The following MND1 variants were observed in gnomAD, a reference collection of about 807,000 sequenced individuals.
MND1 encodes the protein meiotic nuclear division protein 1 homolog.
In MND1, 28 loss-of-function variants were observed where a neutral mutation model predicts 35.1. The observed-to-expected ratio is 0.80, with a 90% CI of 0.59 to 1.09. The LOEUF is 1.09. Ranked by LOEUF, MND1 falls within the 50% of genes least tolerant of loss-of-function variation. MND1 has a pLI of 0.00. For missense variants in MND1, 213 were observed against 239.6 expected, an observed-to-expected ratio of 0.89 and a Z score of 0.73; for synonymous variants, 69 against 70.5, an observed-to-expected ratio of 0.98 and a Z score of 0.11.
intron 4 of MND1, among the ~76,000 whole-genome samples, chr4:153,393,000 G>A (rs975267323): frequency 1.3e-5 from 2 of 152,128 alleles, no homozygotes; most frequent in Non-Finnish European, 2.9e-5. Flanking sequence ...CACACCTGCA[G>A]TCCCAGCTAC....
intron 6 of MND1, among the ~76,000 whole-genome samples, chr4:153,407,965 A>G (rs1171296491): frequency 6.6e-6 from 1 of 152,156 alleles, no homozygotes; most frequent in East Asian, 1.9e-4. Flanking sequence ...TGGTTGTACA[A>G]TTTTGTGACT....
At chr4:153,388,356 A>G (rs1042045765) in intron 4 of MND1, among the ~76,000 whole-genome samples, 17 of 152,180 alleles carry the variant, frequency 1.1e-4, no homozygotes, top group South Asian at 4.2e-4. Flanking sequence ...GCATAGTGGT[A>G]CATGCCTGTA....
intron 4 of MND1, among the ~76,000 whole-genome samples, chr4:153,380,181 G>A (rs1452708353): frequency 6.6e-6 from 1 of 152,118 alleles, no homozygotes; most frequent in Non-Finnish European, 1.5e-5. Context: ...TAACAGAAAA[G>A]TAGATCAAAG....
At chr4:153,392,889 G>A (rs907298087) in intron 4 of MND1, among the ~76,000 whole-genome samples, 1 of 152,148 alleles carries the variant, frequency 6.6e-6, no homozygotes, top group South Asian at 2.1e-4. Context: ...GGAGGCTGAG[G>A]TCGGAAGATT....
chr4:153,390,923 GTGTGTGTGTGTGTGTGTGTA>G (rs1729011995), intron 4 of MND1, among the ~76,000 whole-genome samples: 1 of 130,896 alleles, frequency 7.6e-6, no homozygotes, highest in African/African-American at 3.4e-5. Context: ...GTGTATATGT[GTGTGTGTGTGTGTGTGTGTA>G]TATAAAATGT....
intron 4 of MND1, among the ~76,000 whole-genome samples, chr4:153,369,920 T>C (rs1773749190): frequency 6.6e-6 from 1 of 152,084 alleles, no homozygotes; most frequent in African/African-American, 2.4e-5. Context: ...ATTTCAACAA[T>C]GTTCACAGCG....
intron 4 of MND1, among the ~76,000 whole-genome samples, chr4:153,364,912 GA>G (rs1384416818): frequency 6.6e-6 from 1 of 152,134 alleles, no homozygotes; most frequent in Non-Finnish European, 1.5e-5. Flanking sequence ...GATGAACCTT[GA>G]GGGCAATATG....
At chr4:153,345,685 G>T (rs1410622517) in intron 1 of MND1, among the ~76,000 whole-genome samples, 1 of 152,224 alleles carries the variant, frequency 6.6e-6, no homozygotes, top group Non-Finnish European at 1.5e-5. Context: ...CCGAGCTAAG[G>T]GGGGCAGGGT....
At chr4:153,355,366 T>C (rs1454936543) in intron 2 of MND1, among the ~76,000 whole-genome samples, 1 of 152,122 alleles carries the variant, frequency 6.6e-6, no homozygotes, top group East Asian at 1.9e-4. Context: ...AAATATGTAG[T>C]AGAACACGAT....
At chr4:153,345,480 T>G (rs1354960170) in intron 1 of MND1, 2 of 985,340 alleles carry the variant, frequency 2.0e-6, no homozygotes, top group Non-Finnish European at 2.4e-6. Context: ...TTAGGCTTCC[T>G]CGTGGGTCAT....
intron 7 of MND1, among the ~76,000 whole-genome samples, chr4:153,409,715 T>C (rs1484372136): frequency 6.6e-6 from 1 of 152,190 alleles, no homozygotes; most frequent in Non-Finnish European, 1.5e-5. Context: ...TTTCCTACTC[T>C]ATTTTAGAAT....
At chr4:153,370,990 A>G (rs1773776324) in intron 4 of MND1, among the ~76,000 whole-genome samples, 1 of 152,096 alleles carries the variant, frequency 6.6e-6, no homozygotes, top group Non-Finnish European at 1.5e-5. Context: ...AGGCTGCAGA[A>G]TGGATATTGT....
chr4:153,411,663 T>A (rs1284622097), intron 7 of MND1, among the ~76,000 whole-genome samples: 2 of 152,178 alleles, frequency 1.3e-5, no homozygotes, highest in African/African-American at 4.8e-5. Context: ...TGTTCAATAG[T>A]CTTACCCTGG....
intron 2 of MND1, among the ~76,000 whole-genome samples, chr4:153,350,423 C>T (rs1167850650): frequency 6.6e-6 from 1 of 152,156 alleles, no homozygotes; most frequent in Non-Finnish European, 1.5e-5. Flanking sequence ...ATGATGAAAG[C>T]CCACATCTCC....
intron 5 of MND1, among the ~76,000 whole-genome samples, chr4:153,395,340 G>A (rs145799508): frequency 6.6e-6 from 1 of 152,246 alleles, no homozygotes; most frequent in East Asian, 1.9e-4. Flanking sequence ...GGTGACATAT[G>A]CTTGCCCAGA....
At chr4:153,381,361 A>G (rs1269838501) in intron 4 of MND1, among the ~76,000 whole-genome samples, 1 of 151,692 alleles carries the variant, frequency 6.6e-6, no homozygotes, top group Non-Finnish European at 1.5e-5. Context: ...TCCCATTCCC[A>G]AACACCCCTC....
At chr4:153,398,057 C>T (rs1174050858) in intron 6 of MND1, among the ~76,000 whole-genome samples, 1 of 152,208 alleles carries the variant, frequency 6.6e-6, no homozygotes, top group East Asian at 1.9e-4. Flanking sequence ...TTGCAAGTTG[C>T]AGAAAATCAG....
Position 153,381,688 on chromosome 4 carries a change from ATATATTTTTTTTTTTTT to A in MND1, c.277-12572_277-12556del, listed in dbSNP as rs1426992595. On this transcript the variant is annotated intron_variant, in intron 4 of 7. Transcript: ENST00000240488. ...ATATAATATATATATATATATATATATATATTTTTTTTTTTTTTTTTTTTTTTTTTTTTTTAAGAGAT... is the reference window on the plus strand; with the variant it reads ...ATATAATATATATATATATATATATATTTTTTTTTTTTTTTTTTAAGAGAT... 206 of 24,402 alleles carry A rather than the reference ATATATTTTTTTTTTTTT, an allele frequency of 8.4e-3. 7 individuals are homozygous for A. The highest frequency in any genetic ancestry group is 0.03 in the African/African-American group (192 of 6,310). The allele number at this position is 24,402 out of a possible 1,614,324, so 1.5% of individuals were successfully genotyped here. A position where few individuals can be genotyped will look rare whatever the true frequency, so the allele number is the denominator to read the frequency against.
intron 1 of MND1, among the ~76,000 whole-genome samples, chr4:153,349,418 A>G (rs1385334695): frequency 6.6e-6 from 1 of 152,086 alleles, no homozygotes; most frequent in Non-Finnish European, 1.5e-5. Flanking sequence ...GCAGCTCCTC[A>G]TTGTCTAGAA....
Sources: gnomAD v4.1 joint callset for allele counts (sites outside exome capture counted in the v4.1 genomes callset) on GRCh38, gnomAD v4.1.1 for gene constraint, MANE v1.5 for transcripts, NCBI Gene and HGNC (gene_info 2026-07-23, HGNC 2026-07-21) for gene names.